CNTNAP2: variants seen among roughly 807,000 people sequenced by gnomAD.
CNTNAP2 encodes contactin associated protein 2.
A neutral mutation model predicts 155.2 loss-of-function variants in CNTNAP2; 98 were observed. The ratio of observed to expected loss-of-function variants is 0.63; its 90% CI spans 0.54 to 0.75. The LOEUF (loss-of-function observed/expected upper bound fraction) is 0.75, where lower values mean the gene tolerates loss of function less well. Among genes scored for constraint, CNTNAP2 ranks in the 30% least tolerant of loss-of-function variants. The pLI is 0.00. For missense variants in CNTNAP2, 1,727 were observed against 1,688.1 expected (o/e 1.02, Z -0.40); for synonymous variants, 651 against 631.2 (o/e 1.03, Z -0.47).
intron 1 of CNTNAP2, among the ~76,000 whole-genome samples, chr7:146,548,702 A>ATTG (rs1277375884): frequency 6.7e-6 from 1 of 149,240 alleles, no homozygotes; most frequent in Admixed American, 6.7e-5. Context: ...TTCTGTTATC[A>ATTG]TTGTTGTTTT....
At chr7:148,267,946 G>A (rs1585229546) in intron 21 of CNTNAP2, among the ~76,000 whole-genome samples, 1 of 152,230 alleles carries the variant, frequency 6.6e-6, no homozygotes, top group African/African-American at 2.4e-5. Flanking sequence ...CAGATAAGAA[G>A]GCCAATAAGG....
chr7:147,417,864 A>G (rs192171495), intron 10 of CNTNAP2, among the ~76,000 whole-genome samples: 5 of 152,368 alleles, frequency 3.3e-5, no homozygotes, highest in Non-Finnish European at 5.9e-5. Context: ...ATTAAAATCT[A>G]GAGAAAGTTT....
At chr7:147,772,497 A>C (rs1274026054) in intron 13 of CNTNAP2, among the ~76,000 whole-genome samples, 2 of 135,922 alleles carry the variant, frequency 1.5e-5, no homozygotes. Flanking sequence ...CACACAAAAA[A>C]AAAACCACAA....
At chr7:146,977,081 G>A (rs533090216) in intron 3 of CNTNAP2, among the ~76,000 whole-genome samples, 39 of 152,122 alleles carry the variant, frequency 2.6e-4, no homozygotes, top group Non-Finnish European at 4.0e-4. Flanking sequence ...GAACCCCAAC[G>A]TTATAACAAA....
chr7:147,110,073 T>C (rs1800845670), intron 5 of CNTNAP2, among the ~76,000 whole-genome samples: 1 of 151,978 alleles, frequency 6.6e-6, no homozygotes. Context: ...TACAGGCACC[T>C]ACCACCATGC....
At chr7:147,267,072 T>C (rs1320200483) in intron 8 of CNTNAP2, among the ~76,000 whole-genome samples, 1 of 152,226 alleles carries the variant, frequency 6.6e-6, no homozygotes, top group Non-Finnish European at 1.5e-5. Context: ...CTCTTGGCTT[T>C]CTTGCTTAGC....
intron 13 of CNTNAP2, among the ~76,000 whole-genome samples, chr7:147,772,904 C>T (rs549585686): frequency 3.9e-5 from 6 of 152,260 alleles, no homozygotes; most frequent in Admixed American, 3.3e-4. Context: ...ATTCAGCCAC[C>T]TCATCAGAGT....
chr7:147,442,893 C>T lies in CNTNAP2; in HGVS notation c.1671-43042C>T, dbSNP rs557020305. Among the ~76,000 whole-genome samples the T allele has an allele frequency of 2.6e-5, 4 of 152,200 alleles. 1 individual carries two copies. The highest frequency in any genetic ancestry group is 9.6e-5 in the African/African-American group (4 of 41,522). Reference sequence around the variant, plus strand: ...TGCTATCCAAGAGGCAAAACGAAATCTTCTCCAGTCTTCTGTCTCCTGTCC... The same window carrying T: ...TGCTATCCAAGAGGCAAAACGAAATTTTCTCCAGTCTTCTGTCTCCTGTCC... On this transcript the variant is annotated intron_variant, in intron 10 of 23. Coordinates refer to ENST00000361727, the MANE Select transcript of CNTNAP2 (RefSeq NM_014141.6).
At chr7:147,546,517 C>T (rs533373491) in intron 11 of CNTNAP2, among the ~76,000 whole-genome samples, 5 of 152,136 alleles carry the variant, frequency 3.3e-5, no homozygotes, top group Admixed American at 6.5e-5. Context: ...CAACTAAGAC[C>T]GTTTACTTAG....
chr7:147,828,518 G>A (rs1318292693), intron 13 of CNTNAP2, among the ~76,000 whole-genome samples: 1 of 152,160 alleles, frequency 6.6e-6, no homozygotes, highest in Non-Finnish European at 1.5e-5. Context: ...ATAAAGTCAT[G>A]AGGCATCAAA....
intron 13 of CNTNAP2, among the ~76,000 whole-genome samples, chr7:147,757,703 T>C (rs763089679): frequency 6.6e-6 from 1 of 152,196 alleles, no homozygotes; most frequent in Non-Finnish European, 1.5e-5. Flanking sequence ...CCATAGTTGG[T>C]TTCCTTAGAG....
At chr7:147,388,068 A>C (rs1437763821) in intron 9 of CNTNAP2, among the ~76,000 whole-genome samples, 2 of 152,160 alleles carry the variant, frequency 1.3e-5, no homozygotes, top group South Asian at 2.1e-4. Flanking sequence ...TTGGATTCCT[A>C]CTTTATTCAG....
intron 9 of CNTNAP2, among the ~76,000 whole-genome samples, chr7:147,384,723 C>A (rs553491466): frequency 1.3e-4 from 20 of 152,052 alleles, no homozygotes; most frequent in Non-Finnish European, 2.9e-4. Context: ...GAATTTTTAG[C>A]GTTAAGTGCC....
intron 1 of CNTNAP2, among the ~76,000 whole-genome samples, chr7:146,686,354 C>A (rs2642490): frequency 1.3e-5 from 2 of 152,112 alleles, no homozygotes; most frequent in Non-Finnish European, 2.9e-5. Flanking sequence ...TGCGATTGTA[C>A]GTAGCCTGTA....
At chr7:148,039,115 G>A (rs1055946942) in intron 15 of CNTNAP2, among the ~76,000 whole-genome samples, 2 of 152,144 alleles carry the variant, frequency 1.3e-5, no homozygotes, top group African/African-American at 4.8e-5. Context: ...GGAGAACCAG[G>A]GAAGCTGGTA....
chr7:148,121,798 G>C (rs1259905895), intron 16 of CNTNAP2, among the ~76,000 whole-genome samples: 2 of 152,092 alleles, frequency 1.3e-5, no homozygotes, highest in African/African-American at 4.8e-5. Context: ...TAAAATTAGG[G>C]CAATCTCACT....
intron 9 of CNTNAP2, among the ~76,000 whole-genome samples, chr7:147,386,386 T>C (rs1796625912): frequency 1.3e-5 from 2 of 152,324 alleles, no homozygotes; most frequent in African/African-American, 4.8e-5. Context: ...TCCAAACTTT[T>C]ATGCTCCGTT....
chr7:147,727,677 A>G (rs181110571), intron 13 of CNTNAP2, among the ~76,000 whole-genome samples: 1 of 151,856 alleles, frequency 6.6e-6, no homozygotes, highest in African/African-American at 2.4e-5. Context: ...CATTTTAGTA[A>G]CATGTCCAGA....
chr7:148,147,699 G>A lies in CNTNAP2; in HGVS notation c.2763G>A (p.Gln921=). 1 of 1,612,150 alleles carries A rather than the reference G, an allele frequency of 6.2e-7. No homozygotes were observed. The highest frequency in any genetic ancestry group is 8.5e-7 in the Non-Finnish European group (1 of 1,179,642). The change falls in exon 17 of 24, where the codon CAG becomes CAA. Residue 921 remains glutamine, a synonymous_variant. Coordinates refer to ENST00000361727, the MANE Select transcript of CNTNAP2 (RefSeq NM_014141.6). ...ACACCCGCCTGGAGCTCTACAGCCA[G>A]TTATTTGTGGGTAAGTAATGGAAAG... ...EGHTRLELYS[Q]LFVGGAGGQQ...
Sources: allele counts gnomAD v4.1 joint callset (sites outside exome capture counted in the v4.1 genomes callset), GRCh38; gene constraint gnomAD v4.1.1; transcripts MANE v1.5; gene names NCBI Gene and HGNC (gene_info 2026-07-23, HGNC 2026-07-21).